MSN: variants seen among roughly 807,000 people sequenced by gnomAD.
MSN encodes the protein epididymis luminal protein 70.
A neutral mutation model predicts 48.0 loss-of-function variants in MSN; 2 were observed. The observed-to-expected ratio is 0.04, with a 90% CI of 0.02 to 0.13. MSN has a LOEUF of 0.13. Among genes scored for constraint, MSN ranks in the 10% least tolerant of loss-of-function variants. The pLI is 1.00. For synonymous variants in MSN, 146 were observed against 166.9 expected, an observed-to-expected ratio of 0.87 and a Z score of 0.97; for missense variants, 267 against 470.1, an observed-to-expected ratio of 0.57 and a Z score of 3.99.
chrX:65,613,070 CT>C (rs1356676102), intron 1 of MSN, among the ~76,000 whole-genome samples: 1 of 111,190 alleles, frequency 9.0e-6, no homozygotes, highest in African/African-American at 3.3e-5. Context: ...GTGATGTTCC[CT>C]GTGTCCATGT....
chrX:65,590,346 T>C (rs2070136581), intron 1 of MSN, among the ~76,000 whole-genome samples: 1 of 111,216 alleles, frequency 9.0e-6, no homozygotes, highest in Non-Finnish European at 1.9e-5. Context: ...AATGCCTGCA[T>C]GTGTGAATGC....
At chrX:65,661,763 T>C (rs1478811350) in intron 1 of MSN, among the ~76,000 whole-genome samples, 1 of 112,114 alleles carries the variant, frequency 8.9e-6, no homozygotes, top group Non-Finnish European at 1.9e-5. Flanking sequence ...CTGACACCTG[T>C]AATCCCAGCA....
chrX:65,656,041 A>T (rs965575130), intron 1 of MSN, among the ~76,000 whole-genome samples: 1 of 112,451 alleles, frequency 8.9e-6, no homozygotes, highest in Non-Finnish European at 1.9e-5. Context: ...TTCAGGGATT[A>T]CAGGCATGAG....
chrX:65,670,313 G>A (rs1377506269), intron 1 of MSN, among the ~76,000 whole-genome samples: 1 of 112,062 alleles, frequency 8.9e-6, no homozygotes, highest in Non-Finnish European at 1.9e-5. Context: ...GATGGAGAAA[G>A]GTAGTGGAAA....
chrX:65,738,445 C>T, intron 10 of MSN, 80 bp from the exon 11 acceptor site: 1 of 877,144 alleles, frequency 1.1e-6, no homozygotes, highest in Non-Finnish European at 1.6e-6. Context: ...TTACTAGTCC[C>T]CCAGGGGACT....
intron 1 of MSN, among the ~76,000 whole-genome samples, chrX:65,673,877 C>T (rs756897763): frequency 4.5e-5 from 5 of 111,553 alleles, no homozygotes; most frequent in Non-Finnish European, 9.4e-5. Context: ...ACCTAACTTG[C>T]TTGGCTCCAG....
chrX:65,628,869 A>C (rs5964992), intron 1 of MSN, among the ~76,000 whole-genome samples: 15,417 of 108,836 alleles, frequency 0.14, 2,794 homozygotes, highest in African/African-American at 0.49. Flanking sequence ...GTTTGAGACC[A>C]GCCTGGCCAA....
intron 9 of MSN, 111 bp from the exon 10 acceptor site, chrX:65,737,067 C>A (rs1054369027): frequency 8.9e-7 from 1 of 1,124,328 alleles, no homozygotes; most frequent in African/African-American, 1.8e-5. Context: ...GAAGAGAGCT[C>A]AGAACTTTCT....
At chrX:65,630,710 A>G (rs1314007092) in intron 1 of MSN, among the ~76,000 whole-genome samples, 4 of 111,678 alleles carry the variant, frequency 3.6e-5, no homozygotes, top group Admixed American at 2.9e-4. Flanking sequence ...TCTACTTTCT[A>G]TCTCTATGGA....
chrX:65,665,836 C>T (rs148795425), upstream of MSN, among the ~76,000 whole-genome samples: 518 of 111,364 alleles, frequency 4.7e-3, 4 homozygotes, highest in African/African-American at 0.016. Flanking sequence ...CAGAGCTATA[C>T]GTAGAAGCCA....
intron 1 of MSN, among the ~76,000 whole-genome samples, chrX:65,646,248 T>C (rs1425436962): frequency 2.7e-5 from 3 of 112,019 alleles, no homozygotes; most frequent in Non-Finnish European, 5.6e-5. Flanking sequence ...TAATTTCTCC[T>C]CTTTCATTTC....
At chrX:65,710,721 T>A (rs2071405225) in intron 1 of MSN, among the ~76,000 whole-genome samples, 1 of 108,988 alleles carries the variant, frequency 9.2e-6, no homozygotes, top group Non-Finnish European at 1.9e-5. Flanking sequence ...CTAATGTACT[T>A]TTTTTTTTAG....
At chrX:65,637,765 G>C (rs770249633) in intron 1 of MSN, among the ~76,000 whole-genome samples, 1 of 110,277 alleles carries the variant, frequency 9.1e-6, no homozygotes, top group Non-Finnish European at 1.9e-5. Context: ...GGGCTCAAGC[G>C]ATCCTCCCAC....
chrX:65,603,970 A>G (rs1019362977), intron 1 of MSN, among the ~76,000 whole-genome samples: 1 of 107,414 alleles, frequency 9.3e-6, no homozygotes, highest in African/African-American at 3.8e-5. Context: ...CACCATTATC[A>G]TAGTAAAATT....
At chrX:65,687,376 CA>C (rs1422511363) in intron 1 of MSN, among the ~76,000 whole-genome samples, 1 of 110,813 alleles carries the variant, frequency 9.0e-6, no homozygotes, top group African/African-American at 3.3e-5. Flanking sequence ...AACAAACAAA[CA>C]AAAAAATCCC....
intron 1 of MSN, among the ~76,000 whole-genome samples, chrX:65,641,488 C>G (rs2070649274): frequency 1.1e-5 from 1 of 90,309 alleles, no homozygotes; most frequent in African/African-American, 4.0e-5. Context: ...CGAGATCACG[C>G]CACTGCACTC....
chrX:65,685,089 C>T (rs2071100582), intron 1 of MSN, among the ~76,000 whole-genome samples: 1 of 112,116 alleles, frequency 8.9e-6, no homozygotes, highest in Non-Finnish European at 1.9e-5. Flanking sequence ...CCATACTCTT[C>T]ATTAAGTGGA....
chrX:65,661,631 T>C (rs990380024), intron 1 of MSN, among the ~76,000 whole-genome samples: 3 of 112,175 alleles, frequency 2.7e-5, no homozygotes, highest in African/African-American at 9.7e-5. Context: ...TTCACAGAAT[T>C]AGTTAGCGAG....
chrX:65,699,772 A>G (rs1345561674), intron 1 of MSN, among the ~76,000 whole-genome samples: 2 of 104,620 alleles, frequency 1.9e-5, no homozygotes, highest in Non-Finnish European at 3.9e-5. Context: ...AAAAAAAAAG[A>G]CAAATGATAA....
Sources: allele counts gnomAD v4.1 joint callset (sites outside exome capture counted in the v4.1 genomes callset), GRCh38; gene constraint gnomAD v4.1.1; transcripts MANE v1.5; gene names NCBI Gene and HGNC (gene_info 2026-07-23, HGNC 2026-07-21).